Variants in DCUN1D4 observed in about 807,000 individuals in gnomAD.
DCUN1D4 encodes the protein defective in cullin neddylation 1 domain containing 4.
Under a neutral mutation model 47.9 loss-of-function variants are expected in DCUN1D4, and 22 were observed. The ratio of observed to expected loss-of-function variants is 0.46; its 90% confidence interval spans 0.33 to 0.66. The LOEUF is 0.66. Among genes scored for constraint, DCUN1D4 ranks in the 30% least tolerant of loss-of-function variants. The pLI, the probability that DCUN1D4 is intolerant of heterozygous loss-of-function variation, is 0.02. For synonymous variants in DCUN1D4, 121 were observed against 112.2 expected (o/e 1.08, Z -0.50); for missense variants, 301 against 340.8 (o/e 0.88, Z 0.92).
rs1377226771 is a variant in DCUN1D4 at position 51,844,765 on chromosome 4, C to T, written c.25+1498C>T. On this transcript the variant is annotated intron_variant, in intron 1 of 10. Coordinates refer to ENST00000334635, the MANE Select transcript of DCUN1D4 (RefSeq NM_001040402.3). ...AACGGGTATGAAGGGGAAAGGCGGT[C>T]CCGCCGAATTCTGGGACTTGTAGTC... 3 of 929,582 alleles carry T rather than the reference C, an allele frequency of 3.2e-6. No homozygotes were observed. In the South Asian group the frequency reaches 1.5e-4, roughly 46 times the overall value. 57.6% of individuals were successfully genotyped at this position (929,582 alleles called of 1,614,324 possible).
intron 1 of DCUN1D4, chr4:51,848,058 A>G (rs909865775): frequency 3.9e-6 from 2 of 513,886 alleles, no homozygotes; most frequent in Non-Finnish European, 3.1e-6. Flanking sequence ...TGCATTATCT[A>G]GAAAAATTAA....
At chr4:51,857,692 C>T (rs962719003) in intron 1 of DCUN1D4, among the ~76,000 whole-genome samples, 1 of 152,108 alleles carries the variant, frequency 6.6e-6, no homozygotes, top group Non-Finnish European at 1.5e-5. Context: ...AGGTACAGAT[C>T]CTTAGGAGAT....
chr4:51,877,601 G>A, intron 4 of DCUN1D4, 162 bp from the exon 5 acceptor site: 1 of 523,598 alleles, frequency 1.9e-6, no homozygotes, highest in African/African-American at 1.9e-5. Flanking sequence ...AAACACTGTA[G>A]TTAAAAGCTG....
chr4:51,857,757 T>G (rs756765836), intron 1 of DCUN1D4, among the ~76,000 whole-genome samples: 19 of 152,234 alleles, frequency 1.2e-4, no homozygotes, highest in Non-Finnish European at 2.8e-4. Context: ...GATCTTTGCC[T>G]TCCTGTTCAG....
intron 7 of DCUN1D4, among the ~76,000 whole-genome samples, chr4:51,894,845 C>T (rs1343764978): frequency 6.6e-6 from 1 of 152,054 alleles, no homozygotes; most frequent in Non-Finnish European, 1.5e-5. Context: ...ATTTAGGCAG[C>T]TATAACAGAA....
intron 1 of DCUN1D4, chr4:51,843,680 G>A (rs1339070536): frequency 4.0e-6 from 5 of 1,244,096 alleles, no homozygotes; most frequent in African/African-American, 1.6e-5. Context: ...GCGAGCGAGC[G>A]GGGCACAAGG....
upstream of DCUN1D4, among the ~76,000 whole-genome samples, chr4:51,840,909 C>T (rs978063252): frequency 3.9e-5 from 6 of 152,126 alleles, no homozygotes; most frequent in Non-Finnish European, 8.8e-5. Context: ...GGTAAATTAC[C>T]TCTAAGTCTG....
chr4:51,886,862 G>T, intron 6 of DCUN1D4: 2 of 507,736 alleles, frequency 3.9e-6, no homozygotes, highest in South Asian at 2.1e-5. Flanking sequence ...TTAATTTCTT[G>T]TATGTAAAAG....
chr4:51,841,709 T>C (rs1003120088), upstream of DCUN1D4, among the ~76,000 whole-genome samples: 1 of 152,144 alleles, frequency 6.6e-6, no homozygotes. Context: ...GGGAGTGCTG[T>C]GGGACACAGA....
the DCUN1D4 span, among the ~76,000 whole-genome samples, chr4:51,837,422 C>T: frequency 6.6e-6 from 1 of 151,912 alleles, no homozygotes. Flanking sequence ...AATCCCAGCA[C>T]TTTGGGAGGC....
At chr4:51,896,052 A>G (rs750600052) in intron 7 of DCUN1D4, among the ~76,000 whole-genome samples, 13 of 152,190 alleles carry the variant, frequency 8.5e-5, no homozygotes, top group Non-Finnish European at 1.6e-4. Flanking sequence ...ATTGGGGGCC[A>G]GTCCAGGGGC....
intron 5 of DCUN1D4, among the ~76,000 whole-genome samples, chr4:51,879,334 C>G (rs181171320): frequency 3.2e-3 from 482 of 152,292 alleles, no homozygotes; most frequent in Non-Finnish European, 5.3e-3. Context: ...CGGCTGGGCG[C>G]GGTGGCTCAC....
At chr4:51,893,793 C>G (rs1411308389) in intron 7 of DCUN1D4, among the ~76,000 whole-genome samples, 1 of 152,188 alleles carries the variant, frequency 6.6e-6, no homozygotes, top group Non-Finnish European at 1.5e-5. Flanking sequence ...ATGGGCATAT[C>G]AGGATTTTAT....
chr4:51,882,291 G>A (rs1357511892), intron 5 of DCUN1D4, among the ~76,000 whole-genome samples: 1 of 152,210 alleles, frequency 6.6e-6, no homozygotes, highest in Non-Finnish European at 1.5e-5. Flanking sequence ...ACCGTGCTCA[G>A]AGTTCATTTT....
chr4:51,894,113 A>G (rs1339513938), intron 7 of DCUN1D4, among the ~76,000 whole-genome samples: 1 of 152,054 alleles, frequency 6.6e-6, no homozygotes, highest in South Asian at 2.1e-4. Context: ...TCTCAGGGTG[A>G]TTGCCACTTG....
chr4:51,890,013 C>T (rs756788527), intron 6 of DCUN1D4, among the ~76,000 whole-genome samples: 21 of 152,144 alleles, frequency 1.4e-4, no homozygotes, highest in Non-Finnish European at 2.2e-4. Context: ...CTAAAAATTT[C>T]GTAGGTTCTC....
chr4:51,848,166 G>T, intron 1 of DCUN1D4: 1 of 1,275,348 alleles, frequency 7.8e-7, no homozygotes, highest in Non-Finnish European at 1.0e-6. Flanking sequence ...GACAAAGTCA[G>T]TTGTATGCAA....
intron 5 of DCUN1D4, among the ~76,000 whole-genome samples, chr4:51,882,643 T>C (rs1015080364): frequency 7.9e-5 from 12 of 152,128 alleles, no homozygotes; most frequent in Non-Finnish European, 1.6e-4. Context: ...GGCGGGCACC[T>C]GTAGTCCCAG....
At chr4:51,836,831 T>C in the DCUN1D4 span, among the ~76,000 whole-genome samples, 1 of 152,178 alleles carries the variant, frequency 6.6e-6, no homozygotes, top group African/African-American at 2.4e-5. Context: ...CATAATGAGA[T>C]GCTCAGCTGC....
Sources: allele counts gnomAD v4.1 joint callset (sites outside exome capture counted in the v4.1 genomes callset), GRCh38; gene constraint gnomAD v4.1.1; transcripts MANE v1.5; gene names NCBI Gene and HGNC (gene_info 2026-07-23, HGNC 2026-07-21).